The following DCDC2 variants were observed in gnomAD, a reference collection of about 807,000 sequenced individuals.
DCDC2 encodes doublecortin domain containing 2.
DCDC2 carries 40 observed loss-of-function variants against 50.2 expected under a neutral mutation model. The observed-to-expected ratio is 0.80, with a 90% CI of 0.62 to 1.04. The LOEUF is 1.04. Ranked by LOEUF, DCDC2 falls within the 50% of genes least tolerant of loss-of-function variation. The pLI is 0.00. For missense variants in DCDC2, 570 were observed against 581.9 expected, an observed-to-expected ratio of 0.98 and a Z score of 0.21; for synonymous variants, 234 against 210.6, an observed-to-expected ratio of 1.11 and a Z score of -0.96.
intron 9 of DCDC2, among the ~76,000 whole-genome samples, chr6:24,175,300 T>C (rs533404535): frequency 7.9e-5 from 12 of 152,228 alleles, no homozygotes; most frequent in African/African-American, 2.6e-4. Flanking sequence ...AGACAGAAAA[T>C]CAAAATGTGG....
chr6:24,304,684 T>C (rs976807155), intron 2 of DCDC2, among the ~76,000 whole-genome samples: 1 of 152,194 alleles, frequency 6.6e-6, no homozygotes, highest in Non-Finnish European at 1.5e-5. Context: ...ACATAGCACA[T>C]ACATACAATT....
rs1323056318 is a variant in DCDC2 at position 24,256,692 on chromosome 6, C to T, written c.922+21357G>A. Among the ~76,000 whole-genome samples, 4 of 152,084 alleles carry T rather than the reference C, an allele frequency of 2.6e-5. No individual in the cohort carries two copies. The South Asian group carries it at 6.2e-4, about 24-fold the overall frequency. On this transcript the variant is annotated intron_variant, in intron 7 of 9. Coordinates refer to ENST00000378454, the MANE Select transcript of DCDC2 (RefSeq NM_016356.5). ...GGGAGGCCACTATTTAAAGTTATGC[C>T]CCATCATATAATGTGAGAAATTAGA...
At chr6:24,229,197 T>TTGGCAGGA (rs1762290999) in intron 7 of DCDC2, among the ~76,000 whole-genome samples, 1 of 152,186 alleles carries the variant, frequency 6.6e-6, no homozygotes, top group African/African-American at 2.4e-5. Context: ...AATCAAGGTG[T>TTGGCAGGA]TGGCAGGACT....
At chr6:24,285,619 T>TGA (rs1763587288) in intron 6 of DCDC2, among the ~76,000 whole-genome samples, 1 of 152,146 alleles carries the variant, frequency 6.6e-6, no homozygotes, top group African/African-American at 2.4e-5. Context: ...CATTGATGTA[T>TGA]CACAGTATTC....
At chr6:24,321,889 G>A (rs1759780102) in intron 2 of DCDC2, among the ~76,000 whole-genome samples, 1 of 152,152 alleles carries the variant, frequency 6.6e-6, no homozygotes, top group Non-Finnish European at 1.5e-5. Flanking sequence ...TTAATTACGT[G>A]TGACAAATGA....
chr6:24,358,849 A>AT (rs1481549897), upstream of DCDC2, among the ~76,000 whole-genome samples: 16 of 31,652 alleles, frequency 5.1e-4, no homozygotes, highest in South Asian at 8.3e-4. Flanking sequence ...ATATTTATAT[A>AT]TTATATATAA....
At chr6:24,364,612 T>C in the DCDC2 span, among the ~76,000 whole-genome samples, 3 of 152,318 alleles carry the variant, frequency 2.0e-5, no homozygotes, top group East Asian at 5.8e-4. Flanking sequence ...TGGAACATAG[T>C]AAGTATTAAA....
chr6:24,287,150 A>C (rs1414076404), intron 6 of DCDC2, among the ~76,000 whole-genome samples: 3 of 152,156 alleles, frequency 2.0e-5, no homozygotes, highest in Non-Finnish European at 2.9e-5. Context: ...ATTCAAGGTC[A>C]TGTAATAACT....
intron 7 of DCDC2, among the ~76,000 whole-genome samples, chr6:24,214,779 C>T (rs1027707336): frequency 6.6e-6 from 1 of 152,212 alleles, no homozygotes; most frequent in Non-Finnish European, 1.5e-5. Flanking sequence ...AGTCCAACTT[C>T]CTCCAAATGA....
chr6:24,326,190 GAAGA>G (rs1193922205), intron 2 of DCDC2, among the ~76,000 whole-genome samples: 2 of 143,704 alleles, frequency 1.4e-5, no homozygotes, highest in East Asian at 2.4e-4. Flanking sequence ...AGGAAGGAAG[GAAGA>G]AAGGAAGGAA....
intron 2 of DCDC2, among the ~76,000 whole-genome samples, chr6:24,313,106 A>T (rs73726650): frequency 0.019 from 2,896 of 152,326 alleles, 77 homozygotes; most frequent in African/African-American, 0.061. Flanking sequence ...TCACCACAGA[A>T]ATATTTCCAC....
In DCDC2 at chr6:24,358,008, C is replaced by A; in HGVS notation, c.-258G>T. The A allele has an allele frequency of 7.6e-7, 1 of 1,320,342 alleles. No individual in the cohort carries two copies. Among genetic ancestry groups the A allele is most frequent in the Non-Finnish European group, 1.0e-6 (1 of 982,686 alleles). The allele number at this position is 1,320,342 out of a possible 1,614,324, so 81.8% of individuals were successfully genotyped here. A position where few individuals can be genotyped will look rare whatever the true frequency, so the allele number is the denominator to read the frequency against. On this transcript the variant is annotated 5_prime_UTR_variant, in exon 1 of 10. Transcript: ENST00000378454. ...ACAGCCAATCAGGACCCGCAGTGCG[C>A]GCACCACACCAGGTTCACCTGCTAC...
At chr6:24,282,590 A>C (rs758702116) in intron 6 of DCDC2, among the ~76,000 whole-genome samples, 5 of 152,166 alleles carry the variant, frequency 3.3e-5, no homozygotes, top group Non-Finnish European at 7.4e-5. Context: ...TTCCAACTAG[A>C]TCCAACCAAC....
upstream of DCDC2, among the ~76,000 whole-genome samples, chr6:24,362,293 AT>A (rs1464991951): frequency 6.9e-6 from 1 of 145,824 alleles, no homozygotes; most frequent in Non-Finnish European, 1.5e-5. Context: ...TTATACAATT[AT>A]TTTTTATTTA....
chr6:24,244,340 A>G (rs141051933), intron 7 of DCDC2, among the ~76,000 whole-genome samples: 51 of 152,364 alleles, frequency 3.3e-4, no homozygotes, highest in African/African-American at 1.2e-3. Context: ...TCAAAAAAGT[A>G]TGTGATTCAT....
At position 24,302,000 on chromosome 6, in the gene DCDC2, A is replaced by G; in HGVS notation, c.393T>C (p.Phe131=). The G allele has an allele frequency of 6.2e-7, 1 of 1,614,150 alleles. No individual in the cohort carries two copies. Among genetic ancestry groups the G allele is most frequent in the Non-Finnish European group, 8.5e-7 (1 of 1,180,012 alleles). Residue 131 remains phenylalanine (F), a synonymous_variant, in exon 3 of 10, where the codon TTT becomes TTC. Coordinates refer to ENST00000378454, the MANE Select transcript of DCDC2 (RefSeq NM_016356.5). The part of the protein sequence containing the change: ...IHSRINVSAR[F]RKPLQEPCTI... ...TGCACGGCTCCTGAAGCGGTTTTCTAAAGCGAGCTGACACGTTGATCCTGC... is the reference window on the plus strand; with the variant it reads ...TGCACGGCTCCTGAAGCGGTTTTCTGAAGCGAGCTGACACGTTGATCCTGC...
chr6:24,350,497 G>A (rs1760348578), intron 2 of DCDC2, among the ~76,000 whole-genome samples: 1 of 152,130 alleles, frequency 6.6e-6, no homozygotes, highest in Admixed American at 6.5e-5. Flanking sequence ...CAGAAAAACT[G>A]AATTGTGTAT....
intron 7 of DCDC2, among the ~76,000 whole-genome samples, chr6:24,257,697 G>GAAAA (rs11366184): frequency 2.0e-4 from 28 of 138,040 alleles, no homozygotes; most frequent in Non-Finnish European, 1.3e-4. Context: ...TGAAGTTGGG[G>GAAAA]AAAAAAAAAA....
intron 2 of DCDC2, among the ~76,000 whole-genome samples, chr6:24,320,984 C>T (rs1187394351): frequency 2.7e-5 from 4 of 150,762 alleles, no homozygotes; most frequent in Non-Finnish European, 5.9e-5. Context: ...ACAGCAGGGC[C>T]ATACTGGAAA....
Sources: gnomAD v4.1 joint callset for allele counts (sites outside exome capture counted in the v4.1 genomes callset) on GRCh38, gnomAD v4.1.1 for gene constraint, MANE v1.5 for transcripts, NCBI Gene and HGNC (gene_info 2026-07-23, HGNC 2026-07-21) for gene names.